Variants in ADGRL2 observed in about 807,000 individuals in gnomAD.
ADGRL2 encodes the protein calcium-independent alpha-latrotoxin receptor 2.
A neutral mutation model predicts 157.4 loss-of-function variants in ADGRL2; 44 were observed. The ratio of observed to expected loss-of-function variants is 0.28; its 90% CI spans 0.22 to 0.36. ADGRL2 has a LOEUF of 0.36. Ranked by LOEUF, ADGRL2 falls within the 10% of genes least tolerant of loss-of-function variation. ADGRL2 has a pLI of 1.00. For missense variants in ADGRL2, 1,510 were observed against 1,768.9 expected, an observed-to-expected ratio of 0.85 and a Z score of 2.63; for synonymous variants, 585 against 624.7, an observed-to-expected ratio of 0.94 and a Z score of 0.95.
intron 2 of ADGRL2, chr1:81,557,021 C>A (rs374847542): frequency 1.5e-3 from 219 of 147,280 alleles, no homozygotes; most frequent in East Asian, 2.0e-3. Context: ...GACTCCGTCT[C>A]AAAAAAAAAA....
At chr1:81,384,084 G>A (rs1024260720) in intron 1 of ADGRL2, among the ~76,000 whole-genome samples, 3 of 152,048 alleles carry the variant, frequency 2.0e-5, no homozygotes, top group African/African-American at 7.2e-5. Flanking sequence ...TCATTTTTAG[G>A]AATGCTTTTC....
At chr1:81,566,740 A>T (rs921685086) in intron 2 of ADGRL2, among the ~76,000 whole-genome samples, 6 of 152,132 alleles carry the variant, frequency 3.9e-5, no homozygotes, top group Non-Finnish European at 5.9e-5. Flanking sequence ...CTTTGAGCCT[A>T]GCTGGTGACT....
At chr1:81,662,173 G>A (rs1400545536) in intron 3 of ADGRL2, among the ~76,000 whole-genome samples, 1 of 149,542 alleles carries the variant, frequency 6.7e-6, no homozygotes, top group Non-Finnish European at 1.5e-5. Context: ...TACTCTTTAA[G>A]TTATTTTAAA....
At position 81,970,610 on chromosome 1, in the gene ADGRL2, C is replaced by G. The variant is rs6690427; in HGVS notation, c.2954+76C>G. Reference sequence around the variant, plus strand: ...AGCCTGTTAGCTGTCAGTGAGGGTCCCTGACAGATTAAAATAGCATCTGAA... The same window carrying G: ...AGCCTGTTAGCTGTCAGTGAGGGTCGCTGACAGATTAAAATAGCATCTGAA... On this transcript the variant is annotated intron_variant, in intron 16 of 23. Coordinates refer to ENST00000686636, the MANE Select transcript of ADGRL2 (RefSeq NM_001366006.2). 6,233 of 1,035,298 alleles carry G rather than the reference C, an allele frequency of 6.0e-3. 50 individuals are homozygous for G. The highest frequency in any genetic ancestry group is 0.028 in the African/African-American group (1,745 of 61,426). The allele number at this position is 1,035,298 out of a possible 1,614,324, so 64.1% of individuals were successfully genotyped here.
intron 1 of ADGRL2, among the ~76,000 whole-genome samples, chr1:81,411,629 A>T (rs1169826659): frequency 6.6e-6 from 1 of 152,206 alleles, no homozygotes; most frequent in African/African-American, 2.4e-5. Context: ...GCGGTGGCTC[A>T]CGCCTGTAAT....
rs990071567 is a variant in ADGRL2, at chr1:81,993,525, G to T, written c.*2380G>T. ...CATGAACACTGCATCGTACCTAAAT[G>T]GCTACTGTTCTCTAACGTCTTTATC... On this transcript the variant is annotated 3_prime_UTR_variant, in exon 24 of 24. Coordinates refer to ENST00000686636, the MANE Select transcript of ADGRL2 (RefSeq NM_001366006.2). Among the ~76,000 whole-genome samples the T allele has an allele frequency of 1.3e-5, 2 of 151,996 alleles. No individual in the cohort carries two copies. The highest frequency in any genetic ancestry group is 2.9e-5 in the Non-Finnish European group (2 of 68,002).
Position 81,748,660 on chromosome 1 carries a change from C to CT in ADGRL2, c.-142-13142dup, listed in dbSNP as rs72298687. Among the ~76,000 whole-genome samples, 1,063 of 150,124 alleles carry CT rather than the reference C, an allele frequency of 7.1e-3. 8 individuals are homozygous for CT. The highest frequency in any genetic ancestry group is 0.024 in the African/African-American group (1,001 of 40,878). On this transcript the variant is annotated intron_variant, in intron 1 of 20. Coordinates refer to the ADGRL2 transcript ENST00000359929. The stretch of plus-strand genomic sequence containing the variant: ...TCAGTCTCTTATTTCTCATTCATTC[C>CT]TTTTTTTTTGTTTTTTGGTTTTTTT...
At chr1:81,909,354 A>C (rs887395851) in intron 3 of ADGRL2, among the ~76,000 whole-genome samples, 7 of 152,150 alleles carry the variant, frequency 4.6e-5, no homozygotes, top group African/African-American at 1.7e-4. Flanking sequence ...CTTCCAGTTA[A>C]GAGTTATCAT....
At chr1:81,365,021 G>T (rs184627060) in intron 1 of ADGRL2, among the ~76,000 whole-genome samples, 2 of 152,000 alleles carry the variant, frequency 1.3e-5, no homozygotes, top group Non-Finnish European at 2.9e-5. Context: ...ATAACCAACC[G>T]TCCCCTGCAT....
chr1:81,591,076 C>G (rs1283615087), intron 3 of ADGRL2, among the ~76,000 whole-genome samples: 1 of 152,142 alleles, frequency 6.6e-6, no homozygotes, highest in African/African-American at 2.4e-5. Flanking sequence ...AAATGTGGCC[C>G]AAATTATCAG....
chr1:81,537,392 TCCTG>T (rs1275095958), intron 2 of ADGRL2, among the ~76,000 whole-genome samples: 1 of 152,128 alleles, frequency 6.6e-6, no homozygotes, highest in Non-Finnish European at 1.5e-5. Context: ...CAAGCAATTC[TCCTG>T]CCTCAGCCTC....
chr1:81,722,431 G>T (rs1198183633), intron 1 of ADGRL2: 3 of 1,120,616 alleles, frequency 2.7e-6, no homozygotes, highest in Non-Finnish European at 4.0e-6. Context: ...AGCTGAATTT[G>T]CGCTTGGCCG....
At chr1:81,550,011 A>G (rs1342187767) in intron 2 of ADGRL2, among the ~76,000 whole-genome samples, 1 of 152,206 alleles carries the variant, frequency 6.6e-6, no homozygotes, top group Non-Finnish European at 1.5e-5. Context: ...GATACCTAAT[A>G]ACTTCAGGAT....
chr1:81,622,142 A>G (rs556102312), intron 3 of ADGRL2, among the ~76,000 whole-genome samples: 1 of 152,312 alleles, frequency 6.6e-6, no homozygotes, highest in Admixed American at 6.5e-5. Context: ...CAGAACTAAT[A>G]TGTGTTCACT....
At position 81,413,489 on chromosome 1, in the gene ADGRL2, G is replaced by A. The variant is rs532627647; in HGVS notation, c.-301-31547G>A. Among the ~76,000 whole-genome samples the A allele has an allele frequency of 2.8e-4, 42 of 152,198 alleles. No homozygotes were observed. The South Asian group carries it at 8.1e-3, about 29-fold the overall frequency. On this transcript the variant is annotated intron_variant, in intron 1 of 24. Transcript: ENST00000370721. The stretch of plus-strand genomic sequence containing the variant: ...ATGGAAACTGTAGGCTACCATTACG[G>A]ATGCCCTTATGATATAGCTTATAAA...
chr1:81,509,631 G>T (rs761035136), intron 2 of ADGRL2, among the ~76,000 whole-genome samples: 1 of 152,198 alleles, frequency 6.6e-6, no homozygotes, highest in Admixed American at 6.5e-5. Context: ...AAACATGAAT[G>T]AGAAAAGGCC....
chr1:81,544,167 T>A (rs2079958150), intron 2 of ADGRL2, among the ~76,000 whole-genome samples: 1 of 152,160 alleles, frequency 6.6e-6, no homozygotes, highest in Admixed American at 6.6e-5. Context: ...CAAAAATAAG[T>A]AATTTATTAT....
chr1:81,897,045 G>A lies in ADGRL2; in HGVS notation c.74-9972G>A, dbSNP rs569697506. On this transcript the variant is annotated intron_variant, in intron 2 of 23. Transcript: ENST00000686636. ...TATTTTTGTTCCTAGTATCCCAAGT[G>A]TCTAGAAGAGTGCTAGGCACATAGT... Among the ~76,000 whole-genome samples the A allele has an allele frequency of 5.9e-5, 9 of 152,256 alleles. No homozygotes were observed. In the South Asian group the frequency reaches 8.3e-4, roughly 14 times the overall value.
At chr1:81,443,630 T>A (rs2077548875) in intron 1 of ADGRL2, among the ~76,000 whole-genome samples, 1 of 152,174 alleles carries the variant, frequency 6.6e-6, no homozygotes, top group African/African-American at 2.4e-5. Context: ...CTATATACAA[T>A]ATTTTGAATT....
Sources: allele counts gnomAD v4.1 joint callset (sites outside exome capture counted in the v4.1 genomes callset), GRCh38; gene constraint gnomAD v4.1.1; transcripts MANE v1.5; gene names NCBI Gene and HGNC (gene_info 2026-07-23, HGNC 2026-07-21).